DAGLB: variants seen among roughly 807,000 people sequenced by gnomAD.
DAGLB encodes diacylglycerol lipase beta.
DAGLB carries 66 observed loss-of-function variants against 72.1 expected under a neutral mutation model. The ratio of observed to expected loss-of-function variants is 0.92; its 90% CI spans 0.75 to 1.12. DAGLB has a LOEUF of 1.12. DAGLB is among the 50% of genes most tolerant of loss of function. DAGLB has a pLI of 0.00. For synonymous variants in DAGLB, 414 were observed against 359.5 expected (o/e 1.15, Z -1.71); for missense variants, 1,065 against 884.9 (o/e 1.20, Z -2.58).
At chr7:6,439,625 T>A (rs1356637167) in intron 2 of DAGLB, among the ~76,000 whole-genome samples, 2 of 152,194 alleles carry the variant, frequency 1.3e-5, no homozygotes, top group Non-Finnish European at 2.9e-5. Flanking sequence ...AAGCCACACA[T>A]GGCACAAGGC....
At chr7:6,425,646 G>A (rs1289272983) in intron 7 of DAGLB, among the ~76,000 whole-genome samples, 1 of 152,116 alleles carries the variant, frequency 6.6e-6, no homozygotes, top group Non-Finnish European at 1.5e-5. Flanking sequence ...CTACACTACT[G>A]ATGGCACTCA....
chr7:6,443,977 G>C (rs936561113), intron 2 of DAGLB, among the ~76,000 whole-genome samples: 1 of 152,116 alleles, frequency 6.6e-6, no homozygotes, highest in African/African-American at 2.4e-5. Flanking sequence ...AAAATATGAA[G>C]AATAGGTGAT....
At chr7:6,445,871 G>C in intron 2 of DAGLB, 82 bp downstream of exon 2, 1 of 1,425,090 alleles carries the variant, frequency 7.0e-7, no homozygotes, top group South Asian at 1.5e-5. Context: ...AAAGTTTACA[G>C]AAGTGAATTG....
At chr7:6,436,339 A>C (rs112915518) in intron 3 of DAGLB, 23 bp downstream of exon 3, 1 of 1,586,846 alleles carries the variant, frequency 6.3e-7, no homozygotes, top group Non-Finnish European at 8.6e-7. Flanking sequence ...ACTGAAACTC[A>C]AAGAGAAGAA....
rs747158060 is a variant in DAGLB, at chr7:6,417,382, C to A, written c.1219-461G>T. On this transcript the variant is annotated intron_variant, in intron 9 of 14. Transcript: ENST00000297056. ...CAGGCTGCAGTGAGTTATCGTCGCA[C>A]CACTGGGCAGCAGAGTGAGACCCTG... 22 of 157,388 alleles carry A rather than the reference C, an allele frequency of 1.4e-4. 1 individual carries two copies. The highest frequency in any genetic ancestry group is 2.7e-4 in the Non-Finnish European group (19 of 71,478). The allele number at this position is 157,388 out of a possible 1,614,324, so 9.7% of individuals were successfully genotyped here.
At position 6,412,968 on chromosome 7, in the gene DAGLB, G is replaced by C. The variant is rs1175985582; in HGVS notation, c.1494C>G (p.Pro498=). The change falls in exon 12 of 15, where the codon CCC becomes CCG. Residue 498 remains proline, a splice_region_variant and synonymous_variant. Coordinates refer to ENST00000297056, the MANE Select transcript of DAGLB (RefSeq NM_139179.4). ...VSLVLGKDVI[P]RLSVTNLEDL... ...GGCACAGCACCAGGTGGGCTTACCT[G>C]GGAATCACATCCTTCCCCAGGACGA... The C allele has an allele frequency of 1.2e-6, 2 of 1,613,904 alleles. No homozygotes were observed. The highest frequency in any genetic ancestry group is 3.3e-5 in the Admixed American group (2 of 59,998).
At chr7:6,411,154 G>A (rs992420853) in intron 13 of DAGLB, among the ~76,000 whole-genome samples, 1 of 151,478 alleles carries the variant, frequency 6.6e-6, no homozygotes, top group African/African-American at 2.4e-5. Flanking sequence ...TTACAGGCGT[G>A]AGCCACCGCG....
In DAGLB at chr7:6,409,514, C is replaced by T. The variant is rs1483151471; in HGVS notation, c.*323G>A. On this transcript the variant is annotated 3_prime_UTR_variant, in exon 15 of 15. Coordinates refer to ENST00000297056, the MANE Select transcript of DAGLB (RefSeq NM_139179.4). The stretch of plus-strand genomic sequence containing the variant: ...AACTGTTCACGGTCTTCTGGGTGGG[C>T]CCTGGATTCCCGCACTTCTGGAGCA... 5.3e-6 allele frequency: 2 copies of T among 377,938 alleles called. No individual in the cohort carries two copies. 23.4% of individuals were successfully genotyped at this position (377,938 alleles called of 1,614,324 possible).
chr7:6,417,413 AAAAAC>A (rs1309859385), intron 9 of DAGLB: 3 of 153,702 alleles, frequency 2.0e-5, no homozygotes, highest in Non-Finnish European at 4.3e-5. Context: ...CCCTGTCTCA[AAAAAC>A]AAACAGACAA....
intron 5 of DAGLB, among the ~76,000 whole-genome samples, chr7:6,432,466 G>C (rs1784514501): frequency 2.0e-5 from 3 of 151,020 alleles, no homozygotes; most frequent in African/African-American, 7.3e-5. Flanking sequence ...GACCATCCTG[G>C]CTAACACGGT....
chr7:6,409,272 C>T lies in DAGLB; in HGVS notation c.*565G>A, dbSNP rs1016943072. On this transcript the variant is annotated 3_prime_UTR_variant, in exon 15 of 15. Coordinates refer to ENST00000297056, the MANE Select transcript of DAGLB (RefSeq NM_139179.4). ...AATAGGCAGTTGGGGGGCTGTGGCT[C>T]GGCGGGGCCGGGGGCTCCACTTACT... 1.9e-5 allele frequency: 3 copies of T among 155,056 alleles called. No homozygotes were observed. The highest frequency in any genetic ancestry group is 2.0e-4 in the South Asian group (1 of 5,106). 9.6% of individuals were successfully genotyped at this position (155,056 alleles called of 1,614,324 possible).
intron 6 of DAGLB, among the ~76,000 whole-genome samples, chr7:6,426,936 C>T (rs1350647217): frequency 6.6e-6 from 1 of 152,020 alleles, no homozygotes; most frequent in Non-Finnish European, 1.5e-5. Context: ...GCTGGAACCC[C>T]ACCTCTACTA....
intron 6 of DAGLB, among the ~76,000 whole-genome samples, chr7:6,429,992 C>T (rs1428210233): frequency 6.6e-6 from 1 of 150,968 alleles, no homozygotes. Flanking sequence ...TGCAGTGAGC[C>T]GAGATTGTGC....
chr7:6,435,997 T>G (rs1784644051), intron 3 of DAGLB, among the ~76,000 whole-genome samples: 2 of 152,260 alleles, frequency 1.3e-5, no homozygotes, highest in Middle Eastern at 6.8e-3. Flanking sequence ...TTTCATACCT[T>G]TAGTTTTAGT....
In DAGLB at chr7:6,409,777, G is replaced by C; in HGVS notation, c.*60C>G. The C allele has an allele frequency of 6.4e-7, 1 of 1,561,442 alleles. No homozygotes were observed. The highest frequency in any genetic ancestry group is 8.7e-7 in the Non-Finnish European group (1 of 1,149,244). On this transcript the variant is annotated 3_prime_UTR_variant, in exon 15 of 15. Coordinates refer to ENST00000297056, the MANE Select transcript of DAGLB (RefSeq NM_139179.4). The stretch of plus-strand genomic sequence containing the variant: ...GTCATGGGAACTCCTCGGATGGTAA[G>C]TCAGTTTAAGGACAAAAGCGTGAGT...
chr7:6,435,870 C>CAGAG (rs1415158118), intron 3 of DAGLB, among the ~76,000 whole-genome samples: 2 of 152,156 alleles, frequency 1.3e-5, no homozygotes, highest in Non-Finnish European at 2.9e-5. Context: ...TTATTTAGAA[C>CAGAG]AGAGGGTGTT....
At chr7:6,430,737 GC>G in intron 5 of DAGLB, 130 bp from the exon 6 acceptor site, 1 of 1,076,886 alleles carries the variant, frequency 9.3e-7, no homozygotes, top group Non-Finnish European at 1.2e-6. Context: ...ACTCTCAGAC[GC>G]CCACAGGCAA....
intron 6 of DAGLB, among the ~76,000 whole-genome samples, chr7:6,427,740 G>A (rs149797881): frequency 1.4e-4 from 21 of 152,194 alleles, no homozygotes; most frequent in Middle Eastern, 3.4e-3. Flanking sequence ...ACAGTAAGCC[G>A]TGATGATACC....
intron 11 of DAGLB, among the ~76,000 whole-genome samples, chr7:6,416,059 TGTG>T (rs1323339736): frequency 2.0e-5 from 3 of 151,852 alleles, no homozygotes; most frequent in Admixed American, 2.0e-4. Flanking sequence ...TGTGCTTGCT[TGTG>T]GGGAGGGAGG....
Sources: gnomAD v4.1 joint callset for allele counts (sites outside exome capture counted in the v4.1 genomes callset) on GRCh38, gnomAD v4.1.1 for gene constraint, MANE v1.5 for transcripts, NCBI Gene and HGNC (gene_info 2026-07-23, HGNC 2026-07-21) for gene names.